Variants in EYS observed in about 807,000 individuals in gnomAD.
EYS encodes protein eyes shut homolog.
Under a neutral mutation model 282.1 loss-of-function variants are expected in EYS, and 250 were observed. The ratio of observed to expected loss-of-function variants is 0.89; its 90% CI spans 0.80 to 0.98. The LOEUF (loss-of-function observed/expected upper bound fraction) is 0.98. Among genes scored for constraint, EYS ranks in the 50% least tolerant of loss-of-function variants. The probability of loss-of-function intolerance (pLI) is 0.00; values close to 1 mark genes in which losing one functional copy is unlikely to be tolerated. For missense variants in EYS, 4,016 were observed against 3,709.0 expected (o/e 1.08, Z -2.15); for synonymous variants, 1,355 against 1,282.9 (o/e 1.06, Z -1.20).
intron 12 of EYS, among the ~76,000 whole-genome samples, chr6:65,214,589 C>T (rs1464467283): frequency 2.0e-5 from 3 of 152,174 alleles, no homozygotes; most frequent in Non-Finnish European, 4.4e-5. Context: ...TTGTGACAAG[C>T]TATCCAGGAA....
chr6:65,514,160 G>C (rs919526929), intron 2 of EYS, among the ~76,000 whole-genome samples: 2 of 151,888 alleles, frequency 1.3e-5, no homozygotes, highest in East Asian at 3.9e-4. Flanking sequence ...GACAAACAGA[G>C]CCAAATCATG....
At chr6:63,815,065 T>C (rs1467241289) in intron 36 of EYS, among the ~76,000 whole-genome samples, 2 of 152,188 alleles carry the variant, frequency 1.3e-5, no homozygotes. Context: ...TTGGAGTGGG[T>C]TATCGCTCAA....
rs1332103007 is a variant in EYS, at chr6:64,997,575, T to C, written c.2259+7A>G. The C allele has an allele frequency of 7.1e-6, 11 of 1,550,626 alleles. No individual in the cohort carries two copies. The East Asian group carries it at 2.4e-4, about 35-fold the overall frequency. ...TTTAGGTATATAAAAAGCCAGTGGA[T>C]ACTAACGAGATGCAGGTCTTTGCAG... On this transcript the variant is annotated splice_region_variant and intron_variant, in intron 14 of 42. Transcript: ENST00000503581.
At chr6:65,436,303 C>A (rs1768072189) in intron 5 of EYS, among the ~76,000 whole-genome samples, 1 of 152,034 alleles carries the variant, frequency 6.6e-6, no homozygotes, top group African/African-American at 2.4e-5. Context: ...TACTTACTAA[C>A]AACCAACAAC....
At chr6:63,951,502 A>C (rs1582018883) in intron 35 of EYS, among the ~76,000 whole-genome samples, 2 of 152,080 alleles carry the variant, frequency 1.3e-5, no homozygotes, top group African/African-American at 4.8e-5. Context: ...AGCATCACTG[A>C]GTCTTTTCAA....
At chr6:64,606,305 T>C (rs563383055) in intron 24 of EYS, among the ~76,000 whole-genome samples, 1 of 152,120 alleles carries the variant, frequency 6.6e-6, no homozygotes, top group Admixed American at 6.6e-5. Flanking sequence ...AATGTCTCCT[T>C]GTATTCAAGA....
intron 1 of EYS, among the ~76,000 whole-genome samples, chr6:65,669,886 C>T (rs1403686018): frequency 6.6e-6 from 1 of 151,860 alleles, no homozygotes; most frequent in East Asian, 1.9e-4. Context: ...AGTTTTTTCT[C>T]CTGTAAAATG....
chr6:64,114,798 C>A (rs1773319828), intron 31 of EYS, among the ~76,000 whole-genome samples: 2 of 152,174 alleles, frequency 1.3e-5, no homozygotes, highest in African/African-American at 2.4e-5. Flanking sequence ...AGAACTCTGG[C>A]AGCTTTTGCC....
intron 12 of EYS, among the ~76,000 whole-genome samples, chr6:65,284,882 C>A (rs529299006): frequency 4.6e-5 from 7 of 152,028 alleles, no homozygotes; most frequent in African/African-American, 1.7e-4. Context: ...GATTAATTTG[C>A]ATGTTTACAT....
At chr6:65,123,758 C>CCACA (rs34701707) in intron 12 of EYS, among the ~76,000 whole-genome samples, 3,779 of 147,054 alleles carry the variant, frequency 0.026, 116 homozygotes, top group African/African-American at 0.068. Flanking sequence ...ACCCACCCAC[C>CCACA]CACACACACA....
intron 23 of EYS, among the ~76,000 whole-genome samples, chr6:64,622,103 G>A (rs1767464293): frequency 6.6e-6 from 1 of 152,182 alleles, no homozygotes. Context: ...GATTAGGACT[G>A]TCCTAAATGA....
chr6:65,604,031 T>A (rs1765697836), intron 2 of EYS, among the ~76,000 whole-genome samples: 2 of 151,874 alleles, frequency 1.3e-5, no homozygotes, highest in African/African-American at 4.8e-5. Flanking sequence ...ATTTTCAAAC[T>A]GTACTTTTTA....
chr6:65,534,921 T>C (rs937567326), intron 2 of EYS, among the ~76,000 whole-genome samples: 1 of 152,180 alleles, frequency 6.6e-6, no homozygotes, highest in Admixed American at 6.6e-5. Context: ...ACGATGTTTC[T>C]GTTTTCACAT....
chr6:63,749,252 T>C (rs1193540428), intron 41 of EYS, among the ~76,000 whole-genome samples: 1 of 152,212 alleles, frequency 6.6e-6, no homozygotes, highest in African/African-American at 2.4e-5. Flanking sequence ...CCCAGAGTCA[T>C]TCAGGAACAG....
chr6:64,972,997 T>A (rs561625156), intron 14 of EYS, among the ~76,000 whole-genome samples: 1 of 152,214 alleles, frequency 6.6e-6, no homozygotes, highest in African/African-American at 2.4e-5. Context: ...GTAGGCATTT[T>A]AATTTTTCAA....
intron 36 of EYS, among the ~76,000 whole-genome samples, chr6:63,826,342 C>A (rs1257925595): frequency 1.3e-5 from 2 of 152,110 alleles, no homozygotes; most frequent in African/African-American, 4.8e-5. Context: ...GAAAACTTTC[C>A]CAGCCTTGCT....
At chr6:63,889,286 A>T (rs1773347227) in intron 35 of EYS, among the ~76,000 whole-genome samples, 1 of 152,134 alleles carries the variant, frequency 6.6e-6, no homozygotes, top group African/African-American at 2.4e-5. Flanking sequence ...AATACAGAGA[A>T]CACCACAAAG....
At chr6:64,492,969 G>T (rs781706272) in intron 26 of EYS, among the ~76,000 whole-genome samples, 6 of 151,204 alleles carry the variant, frequency 4.0e-5, no homozygotes, top group Admixed American at 6.6e-5. Flanking sequence ...AAGTAAATTC[G>T]AAAGCATTGA....
chr6:65,049,426 C>T (rs576373691), intron 13 of EYS, among the ~76,000 whole-genome samples: 27 of 151,772 alleles, frequency 1.8e-4, no homozygotes, highest in African/African-American at 6.3e-4. Context: ...TCAATATATA[C>T]TTCTTTCAAT....
Sources: allele counts gnomAD v4.1 joint callset (sites outside exome capture counted in the v4.1 genomes callset), GRCh38; gene constraint gnomAD v4.1.1; transcripts MANE v1.5; gene names NCBI Gene and HGNC (gene_info 2026-07-23, HGNC 2026-07-21).